The following PIAS2 variants were observed in gnomAD, a reference collection of about 807,000 sequenced individuals.
PIAS2 encodes the protein E3 SUMO-protein ligase PIAS2.
PIAS2 carries 19 observed loss-of-function variants against 69.7 expected under a neutral mutation model. That is an observed-to-expected ratio of 0.27 (90% CI 0.19 to 0.40). The LOEUF is 0.40. PIAS2 is among the 10% of genes least tolerant of loss of function. The pLI is 1.00. For synonymous variants in PIAS2, 261 were observed against 263.2 expected, an observed-to-expected ratio of 0.99 and a Z score of 0.08; for missense variants, 624 against 757.0, an observed-to-expected ratio of 0.82 and a Z score of 2.06.
chr18:46,890,755 TGAAGTG>T lies in PIAS2; in HGVS notation c.318_323del (p.Thr107_Ser108del). The T allele has an allele frequency of 6.2e-7, 1 of 1,614,108 alleles. No individual in the cohort carries two copies. The highest frequency in any genetic ancestry group is 1.1e-5 in the South Asian group (1 of 91,070). On this transcript the variant is annotated inframe_deletion, in exon 2 of 14. Coordinates refer to ENST00000585916, the MANE Select transcript of PIAS2 (RefSeq NM_004671.5). ...GAGAGGATGGTGAGTGAGGTGTAAC[TGAAGTG>T]GAAGGCAACGAGTGGATTCCAGCCA...
chr18:46,880,510 A>C (rs1420411306), intron 2 of PIAS2, among the ~76,000 whole-genome samples: 1 of 152,230 alleles, frequency 6.6e-6, no homozygotes, highest in Non-Finnish European at 1.5e-5. Flanking sequence ...TGAGGCCAAG[A>C]GTTCAAGGAT....
At chr18:46,816,300 C>A in intron 12 of PIAS2, 1 of 951,332 alleles carries the variant, frequency 1.1e-6, no homozygotes, top group Non-Finnish European at 1.3e-6. Context: ...AAAATATCTA[C>A]TAACCAGTAT....
chr18:46,830,038 AT>A (rs1278214134), intron 9 of PIAS2, among the ~76,000 whole-genome samples, 171 bp from the exon 10 acceptor site: 1 of 152,134 alleles, frequency 6.6e-6, no homozygotes, highest in Non-Finnish European at 1.5e-5. Flanking sequence ...CCTTTGTCCT[AT>A]GTTTTAAATC....
chr18:46,894,249 C>T (rs954919042), intron 1 of PIAS2, among the ~76,000 whole-genome samples: 4 of 152,202 alleles, frequency 2.6e-5, no homozygotes, highest in African/African-American at 9.6e-5. Flanking sequence ...GATCCCACTT[C>T]CTCTAGGAGT....
intron 11 of PIAS2, among the ~76,000 whole-genome samples, chr18:46,823,741 C>T (rs1289397698): frequency 6.6e-6 from 1 of 152,184 alleles, no homozygotes; most frequent in African/African-American, 2.4e-5. Context: ...TTCCCATTAC[C>T]TGAATGTTGC....
At chr18:46,881,132 C>T (rs1186828268) in intron 2 of PIAS2, among the ~76,000 whole-genome samples, 1 of 152,174 alleles carries the variant, frequency 6.6e-6, no homozygotes, top group African/African-American at 2.4e-5. Context: ...CCAACTCCTG[C>T]CAGTCTCCCA....
intron 11 of PIAS2, among the ~76,000 whole-genome samples, chr18:46,824,609 TTC>T (rs572804445): frequency 7.2e-5 from 11 of 152,328 alleles, no homozygotes; most frequent in African/African-American, 2.6e-4. Context: ...ATGGCAATGA[TTC>T]TCTCTAGGTG....
At chr18:46,864,115 G>C in intron 3 of PIAS2, 49 bp downstream of exon 3, 1 of 1,084,004 alleles carries the variant, frequency 9.2e-7, no homozygotes, top group Non-Finnish European at 1.4e-6. Flanking sequence ...AGCCCTACAG[G>C]TGAATAAACC....
intron 11 of PIAS2, among the ~76,000 whole-genome samples, chr18:46,824,987 G>C (rs2042654056): frequency 6.7e-6 from 1 of 150,258 alleles, no homozygotes; most frequent in Admixed American, 6.6e-5. Flanking sequence ...GTCACAAACT[G>C]AGACCCTGTC....
intron 10 of PIAS2, 97 bp downstream of exon 10, chr18:46,829,637 C>T (rs1348454809): frequency 3.5e-5 from 37 of 1,052,206 alleles, no homozygotes; most frequent in Non-Finnish European, 4.7e-5. Context: ...ACTGAGTCAA[C>T]AAGCTGAATT....
intron 1 of PIAS2, among the ~76,000 whole-genome samples, chr18:46,912,423 C>T (rs2057370703): frequency 1.3e-5 from 2 of 152,168 alleles, no homozygotes; most frequent in African/African-American, 2.4e-5. Flanking sequence ...AAAGTCTGTA[C>T]ATGTTCAGTA....
rs1325493049 is a variant in PIAS2 at position 46,807,791 on chromosome 18, G to A, written c.*4642C>T. 1 of 152,228 alleles carries A rather than the reference G, an allele frequency of 6.6e-6. No individual in the cohort carries two copies. Among genetic ancestry groups the A allele is most frequent in the Non-Finnish European group, 1.5e-5 (1 of 68,038 alleles). 9.4% of individuals were successfully genotyped at this position (152,228 alleles called of 1,614,324 possible). On this transcript the variant is annotated 3_prime_UTR_variant, in exon 14 of 14. Coordinates refer to ENST00000585916, the MANE Select transcript of PIAS2 (RefSeq NM_004671.5). ...CCCGTTCCATAGAGTCAGAAAGGCA[G>A]AGGGTCTTAGTGCAGATGCCTGCAT...
At chr18:46,919,033 T>G (rs1391751686), upstream of PIAS2, among the ~76,000 whole-genome samples, 1 of 148,174 alleles carries the variant, frequency 6.7e-6, no homozygotes, top group Admixed American at 6.7e-5. Context: ...GTGTGTGTGT[T>G]GTGTATATAT....
At chr18:46,827,822 A>C in intron 11 of PIAS2, 137 bp downstream of exon 11, 1 of 708,754 alleles carries the variant, frequency 1.4e-6, no homozygotes, top group Non-Finnish European at 2.2e-6. Flanking sequence ...GCTTACTCGA[A>C]AATATTTCAA....
In PIAS2 at chr18:46,879,880, A is replaced by C. The variant is rs139465932; in HGVS notation, c.499+10700T>G. Among the ~76,000 whole-genome samples, 316 of 152,294 alleles carry C rather than the reference A, an allele frequency of 2.1e-3. 1 individual carries two copies. Among genetic ancestry groups the C allele is most frequent in the African/African-American group, 7.4e-3 (307 of 41,568 alleles). ...GATTCTACTTATATGAGAAATCTAG[A>C]GTAGTCAGAATCTTAGAAAGCAAGA... On this transcript the variant is annotated intron_variant, in intron 2 of 13. Coordinates refer to ENST00000585916, the MANE Select transcript of PIAS2 (RefSeq NM_004671.5).
chr18:46,820,946 T>C lies in PIAS2; in HGVS notation c.1635A>G (p.Ser545=), dbSNP rs761928299. The stretch of plus-strand genomic sequence containing the variant: ...CACTCCACATACCTGGCAAATCTGA[T>C]GACATGCTTGATATTGGCGTATGGT... The part of the protein sequence containing the change: ...PFHHTPISSM[S]SDLPGLDFLS... The change falls in exon 12 of 14, where the codon TCA becomes TCG. Residue 545 remains serine, a synonymous_variant. Transcript: ENST00000585916. 5.0e-6 allele frequency: 8 copies of C among 1,611,736 alleles called. No homozygotes were observed. The highest frequency in any genetic ancestry group is 1.7e-4 in the Middle Eastern group (1 of 6,044).
chr18:46,914,842 T>G (rs1568927872), intron 1 of PIAS2, among the ~76,000 whole-genome samples: 2 of 151,988 alleles, frequency 1.3e-5, no homozygotes, highest in Non-Finnish European at 2.9e-5. Flanking sequence ...TGCCCAAAAT[T>G]TTTCCTGGTC....
chr18:46,890,187 G>A (rs2053846303), intron 2 of PIAS2, among the ~76,000 whole-genome samples: 1 of 152,174 alleles, frequency 6.6e-6, no homozygotes, highest in African/African-American at 2.4e-5. Flanking sequence ...GCTAGTGGGA[G>A]AGGAGGAGAG....
chr18:46,892,592 C>T (rs960695004), intron 1 of PIAS2, among the ~76,000 whole-genome samples: 4 of 151,970 alleles, frequency 2.6e-5, no homozygotes, highest in Non-Finnish European at 5.9e-5. Flanking sequence ...GGACAACATA[C>T]TAACACCCCG....
Sources: gnomAD v4.1 joint callset for allele counts (sites outside exome capture counted in the v4.1 genomes callset) on GRCh38, gnomAD v4.1.1 for gene constraint, MANE v1.5 for transcripts, NCBI Gene and HGNC (gene_info 2026-07-23, HGNC 2026-07-21) for gene names.